EDA: variants seen among roughly 807,000 people sequenced by gnomAD.
EDA encodes ectodysplasin-A.
In EDA, 2 loss-of-function variants were observed where a neutral mutation model predicts 23.6. The ratio of observed to expected loss-of-function variants is 0.08; its 90% CI spans 0.03 to 0.27. EDA has a LOEUF of 0.27. EDA is among the 10% of genes least tolerant of loss of function. The probability of loss-of-function intolerance (pLI) is 1.00; values close to 1 mark genes in which losing one functional copy is unlikely to be tolerated. For synonymous variants in EDA, 131 were observed against 132.0 expected (o/e 0.99, Z 0.05); for missense variants, 229 against 324.2 (o/e 0.71, Z 2.26).
chrX:69,655,333 G>T (rs1241353898), intron 1 of EDA, among the ~76,000 whole-genome samples: 1 of 111,197 alleles, frequency 9.0e-6, no homozygotes, highest in Non-Finnish European at 1.9e-5. Flanking sequence ...GCAGAGGTTG[G>T]CGGTGAGCCG....
intron 2 of EDA, among the ~76,000 whole-genome samples, chrX:69,976,989 C>T (rs943437911): frequency 2.7e-5 from 3 of 112,073 alleles, no homozygotes; most frequent in African/African-American, 9.7e-5. Flanking sequence ...TTGGAACAGA[C>T]ATCAAACAGT....
intron 1 of EDA, among the ~76,000 whole-genome samples, chrX:69,629,240 G>A (rs919019030): frequency 3.6e-5 from 4 of 111,545 alleles, no homozygotes; most frequent in African/African-American, 6.5e-5. Flanking sequence ...CTGTTCCCCC[G>A]AAGAAGAATG....
chrX:69,821,352 A>G (rs918907168), intron 1 of EDA, among the ~76,000 whole-genome samples: 2 of 110,335 alleles, frequency 1.8e-5, no homozygotes, highest in Non-Finnish European at 3.8e-5. Flanking sequence ...GCACATGTTT[A>G]TCTATGTAAC....
At chrX:69,744,988 GT>G (rs1197406862) in intron 1 of EDA, among the ~76,000 whole-genome samples, 3 of 111,256 alleles carry the variant, frequency 2.7e-5, no homozygotes, top group East Asian at 2.8e-4. Context: ...CTACTATCTC[GT>G]TTTCCTCTTC....
chrX:69,759,172 C>T (rs964320101), intron 1 of EDA, among the ~76,000 whole-genome samples: 1 of 112,265 alleles, frequency 8.9e-6, no homozygotes, highest in East Asian at 2.8e-4. Context: ...CCCAATACAG[C>T]ATTGTAACTA....
intron 1 of EDA, among the ~76,000 whole-genome samples, chrX:69,714,385 GA>G (rs1170727683): frequency 9.0e-6 from 1 of 111,433 alleles, no homozygotes; most frequent in Non-Finnish European, 1.9e-5. Context: ...GGCTTTCACA[GA>G]GCAAGGGTTT....
chrX:69,815,429 G>T (rs1185839673), intron 1 of EDA, among the ~76,000 whole-genome samples: 4 of 102,819 alleles, frequency 3.9e-5, no homozygotes, highest in African/African-American at 1.4e-4. Context: ...AGCTTCTGGA[G>T]TTGGGGTGGG....
chrX:69,733,467 G>C (rs12858993), intron 1 of EDA, among the ~76,000 whole-genome samples: 32,737 of 109,805 alleles, frequency 0.3, 4,749 homozygotes, highest in Middle Eastern at 0.55. Flanking sequence ...CTATATCTCT[G>C]TTTTGGTACC....
At chrX:69,672,282 A>T (rs192028809) in intron 1 of EDA, among the ~76,000 whole-genome samples, 12 of 111,653 alleles carry the variant, frequency 1.1e-4, no homozygotes. Flanking sequence ...TTACCATGCC[A>T]GGTTTTTCTC....
chrX:69,965,773 A>G (rs924452419), intron 2 of EDA, among the ~76,000 whole-genome samples: 8 of 112,662 alleles, frequency 7.1e-5, no homozygotes, highest in Admixed American at 6.6e-4. Flanking sequence ...TAGTCTGGAC[A>G]CGGTGGCTTA....
chrX:69,691,946 T>A (rs1428511013), intron 1 of EDA, among the ~76,000 whole-genome samples: 1 of 112,066 alleles, frequency 8.9e-6, no homozygotes, highest in Non-Finnish European at 1.9e-5. Context: ...TTCCTAAGTA[T>A]CTTTTGTCCT....
intron 1 of EDA, among the ~76,000 whole-genome samples, chrX:69,929,859 G>A (rs979489641): frequency 6.4e-5 from 7 of 109,058 alleles, no homozygotes; most frequent in African/African-American, 2.3e-4. Context: ...TTGGAAGTGT[G>A]GAGAATCTTA....
At chrX:69,757,665 A>G (rs971742148) in intron 1 of EDA, among the ~76,000 whole-genome samples, 3 of 112,424 alleles carry the variant, frequency 2.7e-5, no homozygotes, top group Non-Finnish European at 5.6e-5. Flanking sequence ...GGGGTGCTAT[A>G]AAGTATTATG....
chrX:69,818,095 T>C (rs1396650242), intron 1 of EDA, among the ~76,000 whole-genome samples: 2 of 111,647 alleles, frequency 1.8e-5, no homozygotes, highest in Non-Finnish European at 3.8e-5. Flanking sequence ...CACCTGGAAA[T>C]TGAACAACCT....
chrX:69,827,168 A>G (rs1169728383), intron 1 of EDA, among the ~76,000 whole-genome samples: 1 of 111,407 alleles, frequency 9.0e-6, no homozygotes, highest in African/African-American at 3.3e-5. Flanking sequence ...GAATCTGACA[A>G]TTATGTGTCT....
At chrX:69,753,631 T>A (rs1223073891) in intron 1 of EDA, among the ~76,000 whole-genome samples, 1 of 111,526 alleles carries the variant, frequency 9.0e-6, no homozygotes, top group Non-Finnish European at 1.9e-5. Context: ...CTGGATATCC[T>A]TGTTAACTTT....
At chrX:69,937,084 T>G in intron 1 of EDA, 4 of 684,295 alleles carry the variant, frequency 5.8e-6, no homozygotes, top group Non-Finnish European at 9.0e-6. Flanking sequence ...GTTCAAAGGA[T>G]TCAACCAGAG....
At chrX:69,649,562 G>GTA (rs770838748) in intron 1 of EDA, among the ~76,000 whole-genome samples, 2 of 108,235 alleles carry the variant, frequency 1.8e-5, no homozygotes, top group South Asian at 8.2e-4. Flanking sequence ...TATTTCCTTT[G>GTA]TACCCTTGTA....
At chrX:69,991,737 A>C (rs1445166867) in intron 2 of EDA, among the ~76,000 whole-genome samples, 2 of 111,131 alleles carry the variant, frequency 1.8e-5, no homozygotes, top group Non-Finnish European at 3.8e-5. Context: ...ATTTTCTGTC[A>C]TTTTTTGCCA....
Sources: gnomAD v4.1 joint callset for allele counts (sites outside exome capture counted in the v4.1 genomes callset) on GRCh38, gnomAD v4.1.1 for gene constraint, MANE v1.5 for transcripts, NCBI Gene and HGNC (gene_info 2026-07-23, HGNC 2026-07-21) for gene names.